The following FGF14 variants were observed in gnomAD, a reference collection of about 807,000 sequenced individuals.
The protein encoded by FGF14 is fibroblast growth factor 14.
A neutral mutation model predicts 25.5 loss-of-function variants in FGF14; 5 were observed. The observed-to-expected ratio is 0.20, with a 90% CI of 0.10 to 0.41. The LOEUF is 0.41. FGF14 is among the 10% of genes least tolerant of loss of function. The pLI is 1.00. For synonymous variants in FGF14, 138 were observed against 118.3 expected (o/e 1.17, Z -1.08); for missense variants, 222 against 320.1 (o/e 0.69, Z 2.34).
At chr13:101,955,141 TA>T (rs2036434076) in intron 1 of FGF14, among the ~76,000 whole-genome samples, 1 of 152,264 alleles carries the variant, frequency 6.6e-6, no homozygotes, top group Admixed American at 6.5e-5. Context: ...TACGTAGATC[TA>T]GCAAGCCAGA....
At chr13:102,348,612 T>A (rs2138958053) in intron 1 of FGF14, among the ~76,000 whole-genome samples, 1 of 152,320 alleles carries the variant, frequency 6.6e-6, no homozygotes, top group Non-Finnish European at 1.5e-5. Context: ...GCAAAGGTGG[T>A]TATTCCAGAG....
chr13:102,274,112 C>T (rs1566887868), intron 1 of FGF14, among the ~76,000 whole-genome samples: 3 of 152,160 alleles, frequency 2.0e-5, no homozygotes, highest in Admixed American at 6.6e-5. Context: ...ACTGCTGGCA[C>T]GTAGCAAATG....
intron 1 of FGF14, among the ~76,000 whole-genome samples, chr13:102,195,039 A>T (rs1463886490): frequency 1.3e-5 from 2 of 152,182 alleles, no homozygotes; most frequent in Non-Finnish European, 2.9e-5. Flanking sequence ...TGAAAAAAAA[A>T]GTGAAGACAT....
chr13:101,868,546 A>G (rs1368354313), intron 3 of FGF14, 179 bp downstream of exon 3: 13 of 626,324 alleles, frequency 2.1e-5, no homozygotes, highest in Middle Eastern at 3.1e-4. Context: ...TCCTTTAGAT[A>G]AACTCATATT....
At chr13:101,867,465 C>T (rs1183770329) in intron 3 of FGF14, among the ~76,000 whole-genome samples, 1 of 152,090 alleles carries the variant, frequency 6.6e-6, no homozygotes, top group African/African-American at 2.4e-5. Context: ...GTAGACACTG[C>T]ATCTAATGAT....
chr13:101,939,615 G>A (rs2035314663), intron 1 of FGF14, among the ~76,000 whole-genome samples: 1 of 152,154 alleles, frequency 6.6e-6, no homozygotes, highest in Admixed American at 6.5e-5. Flanking sequence ...TTTGCATCTT[G>A]AGTAACAAAG....
intron 1 of FGF14, among the ~76,000 whole-genome samples, chr13:102,195,818 A>C (rs2049324508): frequency 1.3e-5 from 2 of 151,668 alleles, no homozygotes; most frequent in Admixed American, 6.6e-5. Flanking sequence ...AACTCAAATC[A>C]AAACAACAGT....
intron 1 of FGF14, among the ~76,000 whole-genome samples, chr13:102,169,206 C>G (rs947702136): frequency 6.6e-6 from 1 of 151,732 alleles, no homozygotes; most frequent in Non-Finnish European, 1.5e-5. Context: ...CTTTTCACAG[C>G]CTCACCTGTG....
At chr13:102,135,111 G>A (rs1335470705) in intron 1 of FGF14, among the ~76,000 whole-genome samples, 2 of 151,924 alleles carry the variant, frequency 1.3e-5, no homozygotes, top group Non-Finnish European at 2.9e-5. Context: ...GGAAGGCGGA[G>A]GCAAGAAGAT....
At chr13:102,329,846 C>T (rs2056579971) in intron 1 of FGF14, among the ~76,000 whole-genome samples, 1 of 152,106 alleles carries the variant, frequency 6.6e-6, no homozygotes, top group South Asian at 2.1e-4. Context: ...CGCACCCCCA[C>T]CTTATGCCCT....
At chr13:102,283,279 G>A (rs760803587) in intron 1 of FGF14, among the ~76,000 whole-genome samples, 24 of 152,186 alleles carry the variant, frequency 1.6e-4, no homozygotes, top group Admixed American at 1.4e-3. Context: ...AAGGGAGGCT[G>A]GGAAATGTAG....
At chr13:101,990,152 T>TA (rs1262452552) in intron 1 of FGF14, among the ~76,000 whole-genome samples, 4 of 152,138 alleles carry the variant, frequency 2.6e-5, no homozygotes, top group Non-Finnish European at 4.4e-5. Context: ...TGATTCGTGG[T>TA]CTCACTTTGA....
intron 3 of FGF14, among the ~76,000 whole-genome samples, chr13:101,780,418 C>T (rs1329871392): frequency 6.6e-6 from 1 of 151,936 alleles, no homozygotes; most frequent in East Asian, 1.9e-4. Flanking sequence ...ACTTTTTTTT[C>T]TAAGAAATTC....
intron 2 of FGF14, among the ~76,000 whole-genome samples, chr13:101,871,128 C>G (rs1398055397): frequency 6.6e-6 from 1 of 152,066 alleles, no homozygotes; most frequent in Non-Finnish European, 1.5e-5. Context: ...CACAGATACC[C>G]ACATTAATTG....
chr13:102,321,864 GTCCCATTTTAACTGTCT>G (rs1285564935), intron 1 of FGF14, among the ~76,000 whole-genome samples: 1 of 152,178 alleles, frequency 6.6e-6, no homozygotes, highest in Non-Finnish European at 1.5e-5. Context: ...CCCTGCCAAT[GTCCCATTTTAACTGTCT>G]TCAAACCCAA....
chr13:102,134,535 C>T (rs888963429), intron 1 of FGF14, among the ~76,000 whole-genome samples: 1 of 152,152 alleles, frequency 6.6e-6, no homozygotes, highest in East Asian at 1.9e-4. Context: ...GCATTTGTGC[C>T]TTTGCACACA....
At chr13:102,010,597 G>A (rs1174080611) in intron 1 of FGF14, among the ~76,000 whole-genome samples, 1 of 152,162 alleles carries the variant, frequency 6.6e-6, no homozygotes, top group African/African-American at 2.4e-5. Flanking sequence ...TCATAGCTGA[G>A]TTTCTGGAAA....
intron 3 of FGF14, among the ~76,000 whole-genome samples, chr13:101,786,280 AT>A (rs1288050035): frequency 6.6e-6 from 1 of 152,176 alleles, no homozygotes; most frequent in East Asian, 1.9e-4. Flanking sequence ...GAGAACAGGA[AT>A]TTTTACATAG....
At chr13:101,743,191 A>G (rs1392804227) in intron 3 of FGF14, among the ~76,000 whole-genome samples, 1 of 152,200 alleles carries the variant, frequency 6.6e-6, no homozygotes, top group Non-Finnish European at 1.5e-5. Context: ...AGGCTGTCAC[A>G]GGCATATCTT....
Sources: allele counts gnomAD v4.1 joint callset (sites outside exome capture counted in the v4.1 genomes callset), GRCh38; gene constraint gnomAD v4.1.1; transcripts MANE v1.5; gene names NCBI Gene and HGNC (gene_info 2026-07-23, HGNC 2026-07-21).